Variants in PDE4B observed in about 807,000 individuals in gnomAD.
The protein encoded by PDE4B is 3',5'-cyclic-AMP phosphodiesterase 4B.
Under a neutral mutation model 82.2 loss-of-function variants are expected in PDE4B, and 20 were observed. The observed-to-expected ratio is 0.24, with a 90% confidence interval of 0.17 to 0.35. The LOEUF (loss-of-function observed/expected upper bound fraction) is 0.35. Ranked by LOEUF, PDE4B falls within the 10% of genes least tolerant of loss-of-function variation. The probability of loss-of-function intolerance (pLI) is 1.00; values close to 1 mark genes in which losing one functional copy is unlikely to be tolerated. For synonymous variants in PDE4B, 320 were observed against 318.9 expected (o/e 1.00, Z -0.04); for missense variants, 655 against 907.2 (o/e 0.72, Z 3.57).
chr1:65,889,505 A>G (rs1037932809), intron 1 of PDE4B, among the ~76,000 whole-genome samples: 1 of 113,924 alleles, frequency 8.8e-6, no homozygotes, highest in African/African-American at 3.6e-5. Flanking sequence ...CTCAAAGCTA[A>G]TTGCTAAAAA....
intron 3 of PDE4B, among the ~76,000 whole-genome samples, chr1:65,978,189 G>A (rs901876914): frequency 2.6e-5 from 4 of 151,412 alleles, no homozygotes; most frequent in Non-Finnish European, 5.9e-5. Flanking sequence ...CAGCACACCC[G>A]GGTAATTTTT....
At position 66,237,504 on chromosome 1, in the gene PDE4B, G is replaced by A. The variant is rs113761277; in HGVS notation, c.282-9956G>A. Among the ~76,000 whole-genome samples, 1,434 of 152,232 alleles carry A rather than the reference G, an allele frequency of 9.4e-3. 29 individuals are homozygous for A. Among genetic ancestry groups the A allele is most frequent in the African/African-American group, 0.032 (1,319 of 41,540 alleles). ...CTGGAACTGAAAATGCACCCTTGAT[G>A]TGCACCTCAACACCTCCCTAGAGCT... is the stretch of plus-strand genomic sequence containing the variant. On this transcript the variant is annotated intron_variant, in intron 3 of 16. Transcript: ENST00000341517.
chr1:66,079,557 A>G (rs532482957), intron 3 of PDE4B, among the ~76,000 whole-genome samples: 7 of 152,272 alleles, frequency 4.6e-5, no homozygotes, highest in African/African-American at 1.7e-4. Context: ...AGCAAATTAA[A>G]GAAACTTCAG....
At chr1:66,098,895 C>G (rs1191734692) in intron 3 of PDE4B, among the ~76,000 whole-genome samples, 1 of 152,122 alleles carries the variant, frequency 6.6e-6, no homozygotes, top group East Asian at 1.9e-4. Context: ...GTAACACATG[C>G]ACACACAAAT....
chr1:66,246,767 C>A (rs1653345168), intron 3 of PDE4B, among the ~76,000 whole-genome samples: 1 of 152,236 alleles, frequency 6.6e-6, no homozygotes, highest in Non-Finnish European at 1.5e-5. Flanking sequence ...TCATGACACT[C>A]CTCTGTGGGA....
At chr1:65,939,119 G>GT (rs148057845) in intron 3 of PDE4B, among the ~76,000 whole-genome samples, 4 of 152,164 alleles carry the variant, frequency 2.6e-5, no homozygotes, top group East Asian at 3.9e-4. Flanking sequence ...GAGAAATTCT[G>GT]TTTTTTATGA....
At chr1:66,303,465 C>T (rs904742524) in intron 7 of PDE4B, among the ~76,000 whole-genome samples, 2 of 151,910 alleles carry the variant, frequency 1.3e-5, no homozygotes, top group South Asian at 4.1e-4. Flanking sequence ...AAGATCTACT[C>T]TCTCAGCAAT....
chr1:66,347,704 C>G (rs114317992), intron 8 of PDE4B, among the ~76,000 whole-genome samples: 1,607 of 152,236 alleles, frequency 0.011, 30 homozygotes, highest in African/African-American at 0.037. Flanking sequence ...ATGAAAGTCA[C>G]TAGCTGAAAT....
intron 3 of PDE4B, among the ~76,000 whole-genome samples, chr1:66,008,855 G>C (rs1557493863): frequency 6.6e-6 from 1 of 151,922 alleles, no homozygotes; most frequent in African/African-American, 2.4e-5. Context: ...TCCTCCTCAT[G>C]TTCCTCAAGT....
chr1:65,924,192 A>T (rs921658155), intron 3 of PDE4B, among the ~76,000 whole-genome samples: 1 of 137,742 alleles, frequency 7.3e-6, no homozygotes, highest in Non-Finnish European at 1.6e-5. Context: ...CTCCTGCCTC[A>T]GCCTCCCAAG....
chr1:65,819,211 G>A (rs1208289469), intron 1 of PDE4B, among the ~76,000 whole-genome samples: 2 of 151,982 alleles, frequency 1.3e-5, no homozygotes, highest in Admixed American at 6.6e-5. Flanking sequence ...CCACCTAGAG[G>A]GATGGCACCA....
At chr1:66,283,982 A>G in intron 7 of PDE4B, among the ~76,000 whole-genome samples, 1 of 152,208 alleles carries the variant, frequency 6.6e-6, no homozygotes, top group East Asian at 1.9e-4. Flanking sequence ...AACATGAATC[A>G]GGCATTATGC....
At chr1:66,283,375 GTA>G (rs769184042) in intron 7 of PDE4B, among the ~76,000 whole-genome samples, 1 of 151,322 alleles carries the variant, frequency 6.6e-6, no homozygotes, top group African/African-American at 2.4e-5. Flanking sequence ...GTGTATATAT[GTA>G]TATATATATG....
chr1:66,189,566 G>A (rs559024406), intron 3 of PDE4B, among the ~76,000 whole-genome samples: 39 of 151,926 alleles, frequency 2.6e-4, no homozygotes, highest in Middle Eastern at 3.4e-3. Flanking sequence ...TTCTCTTCTC[G>A]CTTCATTTCA....
chr1:66,330,100 G>A (rs997503279), intron 7 of PDE4B, among the ~76,000 whole-genome samples: 1 of 152,226 alleles, frequency 6.6e-6, no homozygotes, highest in African/African-American at 2.4e-5. Context: ...TGCCATGATA[G>A]GAAGACTATA....
intron 3 of PDE4B, among the ~76,000 whole-genome samples, chr1:65,934,889 A>C (rs1367315264): frequency 6.6e-6 from 1 of 152,178 alleles, no homozygotes; most frequent in Admixed American, 6.5e-5. Context: ...ACACCTAAAG[A>C]AATAATACAC....
intron 3 of PDE4B, among the ~76,000 whole-genome samples, chr1:65,928,791 CA>C (rs373075842): frequency 6.6e-6 from 1 of 152,300 alleles, no homozygotes; most frequent in East Asian, 1.9e-4. Flanking sequence ...CAAGGGAGAT[CA>C]GGCATTTCCA....
intron 3 of PDE4B, among the ~76,000 whole-genome samples, chr1:65,956,779 T>A (rs916097961): frequency 2.3e-4 from 35 of 152,118 alleles, no homozygotes; most frequent in African/African-American, 8.2e-4. Context: ...AGACAGTCAT[T>A]GGTGTGATTG....
intron 7 of PDE4B, among the ~76,000 whole-genome samples, chr1:66,296,485 A>G (rs1237731802): frequency 6.6e-6 from 1 of 152,210 alleles, no homozygotes; most frequent in Non-Finnish European, 1.5e-5. Flanking sequence ...CAGACTGAGG[A>G]GCTGCACAGA....
Sources: gnomAD v4.1 joint callset for allele counts (sites outside exome capture counted in the v4.1 genomes callset) on GRCh38, gnomAD v4.1.1 for gene constraint, MANE v1.5 for transcripts, NCBI Gene and HGNC (gene_info 2026-07-23, HGNC 2026-07-21) for gene names.